Variants in CDH8 observed in about 807,000 individuals in gnomAD.
The protein encoded by CDH8 is cadherin 8.
In CDH8, 17 loss-of-function variants were observed where a neutral mutation model predicts 68.1. The observed-to-expected ratio is 0.25, with a 90% confidence interval of 0.17 to 0.37. The LOEUF (loss-of-function observed/expected upper bound fraction) is 0.37, where lower values mean the gene tolerates loss of function less well. Ranked by LOEUF, CDH8 falls within the 10% of genes least tolerant of loss-of-function variation. The pLI, the probability that CDH8 is intolerant of heterozygous loss-of-function variation, is 1.00. For synonymous variants in CDH8, 372 were observed against 365.1 expected (o/e 1.02, Z -0.21); for missense variants, 763 against 999.3 (o/e 0.76, Z 3.19).
chr16:61,762,074 C>G (rs4372687), intron 8 of CDH8, among the ~76,000 whole-genome samples: 1 of 152,042 alleles, frequency 6.6e-6, no homozygotes, highest in African/African-American at 2.4e-5. Context: ...GAACTAAAGA[C>G]GGGAGGTGAG....
chr16:61,749,586 C>T (rs1396566572), intron 8 of CDH8, among the ~76,000 whole-genome samples: 1 of 152,000 alleles, frequency 6.6e-6, no homozygotes, highest in Non-Finnish European at 1.5e-5. Context: ...AAAACAGCAC[C>T]TGTTATCCTA....
intron 2 of CDH8, among the ~76,000 whole-genome samples, chr16:61,944,654 G>A (rs989012589): frequency 6.6e-6 from 1 of 152,122 alleles, no homozygotes; most frequent in Non-Finnish European, 1.5e-5. Flanking sequence ...ACAATAAATA[G>A]GAGCAGGCGG....
intron 8 of CDH8, among the ~76,000 whole-genome samples, chr16:61,737,231 G>C (rs1959722345): frequency 6.6e-6 from 1 of 152,102 alleles, no homozygotes; most frequent in African/African-American, 2.4e-5. Context: ...AAACAGACTT[G>C]CCTTTTCAAG....
At chr16:61,979,046 T>C (rs1965487703) in intron 2 of CDH8, among the ~76,000 whole-genome samples, 1 of 151,218 alleles carries the variant, frequency 6.6e-6, no homozygotes, top group South Asian at 2.1e-4. Flanking sequence ...AGCAATTTGC[T>C]TCTAGAAAGA....
chr16:61,727,998 G>T (rs16963881), intron 8 of CDH8, among the ~76,000 whole-genome samples: 2,114 of 150,958 alleles, frequency 0.014, 56 homozygotes, highest in African/African-American at 0.049. Flanking sequence ...ACATGTTATG[G>T]TTTTCACTTG....
chr16:61,760,923 G>A lies in CDH8; in HGVS notation c.1414+28423C>T, dbSNP rs534008088. Among the ~76,000 whole-genome samples, 27 of 152,218 alleles carry A rather than the reference G, an allele frequency of 1.8e-4. No individual in the cohort carries two copies. In the East Asian group the frequency reaches 4.5e-3, roughly 25 times the overall value. ...TTGTTTTCAAGAAGATGCAAAAACA[G>A]AGGGAAGACATAAACAATGAATTTG... On this transcript the variant is annotated intron_variant, in intron 8 of 11. Coordinates refer to ENST00000577390, the MANE Select transcript of CDH8 (RefSeq NM_001796.5).
At chr16:61,874,038 C>G (rs1963417701) in intron 3 of CDH8, among the ~76,000 whole-genome samples, 1 of 152,022 alleles carries the variant, frequency 6.6e-6, no homozygotes, top group Admixed American at 6.6e-5. Flanking sequence ...CCTGGGGCAA[C>G]AGAGTGGGAC....
At chr16:62,029,482 C>T (rs1902273248) in intron 1 of CDH8, among the ~76,000 whole-genome samples, 1 of 152,142 alleles carries the variant, frequency 6.6e-6, no homozygotes. Context: ...AAAGCAATGA[C>T]TTCGAGTAGT....
intron 2 of CDH8, among the ~76,000 whole-genome samples, chr16:61,902,952 A>T (rs915655772): frequency 6.6e-6 from 1 of 152,188 alleles, no homozygotes; most frequent in East Asian, 1.9e-4. Flanking sequence ...CATTAATGTG[A>T]TATTAATCCT....
chr16:61,821,145 A>G, intron 5 of CDH8, 32 bp from the exon 6 acceptor site: 2 of 1,541,148 alleles, frequency 1.3e-6, no homozygotes, highest in Non-Finnish European at 1.8e-6. Context: ...TGAGAGTCAC[A>G]CAAATTCCAA....
intron 3 of CDH8, among the ~76,000 whole-genome samples, chr16:61,874,007 G>A (rs906801082): frequency 6.6e-6 from 1 of 152,020 alleles, no homozygotes; most frequent in African/African-American, 2.4e-5. Flanking sequence ...AGTGAGCCAA[G>A]ATCACACCAT....
chr16:61,784,164 C>T (rs1196556012), intron 8 of CDH8, among the ~76,000 whole-genome samples: 1 of 151,568 alleles, frequency 6.6e-6, no homozygotes, highest in Admixed American at 6.6e-5. Flanking sequence ...GAGTCAAGAC[C>T]CATCAGTGTG....
chr16:61,933,276 G>C (rs1964574467), intron 2 of CDH8, among the ~76,000 whole-genome samples: 1 of 152,174 alleles, frequency 6.6e-6, no homozygotes, highest in South Asian at 2.1e-4. Flanking sequence ...AGTATGGTCA[G>C]GCAACAGAGG....
At chr16:61,663,580 A>G (rs953761379) in intron 10 of CDH8, among the ~76,000 whole-genome samples, 9 of 152,056 alleles carry the variant, frequency 5.9e-5, no homozygotes, top group African/African-American at 2.2e-4. Context: ...AGGAATCCTC[A>G]TAACATTGGT....
intron 2 of CDH8, among the ~76,000 whole-genome samples, chr16:62,011,609 A>G (rs892159998): frequency 3.9e-5 from 6 of 152,182 alleles, no homozygotes; most frequent in African/African-American, 1.4e-4. Flanking sequence ...CTGATTTCCC[A>G]AAAACTAAAT....
At chr16:61,762,081 T>C (rs965835277) in intron 8 of CDH8, among the ~76,000 whole-genome samples, 1 of 151,984 alleles carries the variant, frequency 6.6e-6, no homozygotes, top group African/African-American at 2.4e-5. Context: ...AGACGGGAGG[T>C]GAGGCTCCGG....
intron 10 of CDH8, among the ~76,000 whole-genome samples, chr16:61,672,760 T>C (rs914341447): frequency 2.6e-5 from 4 of 152,098 alleles, no homozygotes; most frequent in African/African-American, 9.6e-5. Context: ...AAAATATATA[T>C]GTTAAGATAA....
At chr16:61,914,610 A>T (rs1964209240) in intron 2 of CDH8, among the ~76,000 whole-genome samples, 1 of 152,122 alleles carries the variant, frequency 6.6e-6, no homozygotes, top group African/African-American at 2.4e-5. Flanking sequence ...AGTCAGTGAG[A>T]TGTGACCTTC....
chr16:61,822,950 G>A (rs1962249164), intron 5 of CDH8, among the ~76,000 whole-genome samples: 1 of 151,778 alleles, frequency 6.6e-6, no homozygotes, highest in African/African-American at 2.4e-5. Flanking sequence ...TCTAAGAAAA[G>A]GCACACGTTT....
Sources: allele counts gnomAD v4.1 joint callset (sites outside exome capture counted in the v4.1 genomes callset), GRCh38; gene constraint gnomAD v4.1.1; transcripts MANE v1.5; gene names NCBI Gene and HGNC (gene_info 2026-07-23, HGNC 2026-07-21).